DLGAP1: variants seen among roughly 807,000 people sequenced by gnomAD.
The protein encoded by DLGAP1 is disks large-associated protein 1.
In DLGAP1, 11 loss-of-function variants were observed where a neutral mutation model predicts 90.8. The observed-to-expected ratio is 0.12, with a 90% CI of 0.08 to 0.20. The LOEUF is 0.20. Among genes scored for constraint, DLGAP1 ranks in the 10% least tolerant of loss-of-function variants. DLGAP1 has a pLI of 1.00. For missense variants in DLGAP1, 1,050 were observed against 1,333.8 expected (o/e 0.79, Z 3.31); for synonymous variants, 558 against 540.7 (o/e 1.03, Z -0.44).
chr18:3,665,120 T>C (rs2059831050), intron 7 of DLGAP1, among the ~76,000 whole-genome samples: 1 of 152,148 alleles, frequency 6.6e-6, no homozygotes, highest in African/African-American at 2.4e-5. Context: ...AAAAAAGTAA[T>C]TAGTGCCTGT....
At chr18:3,673,406 T>G (rs2060168651) in intron 7 of DLGAP1, among the ~76,000 whole-genome samples, 1 of 152,224 alleles carries the variant, frequency 6.6e-6, no homozygotes, top group South Asian at 2.1e-4. Context: ...CCATTGGTTA[T>G]CGTGTACTGT....
chr18:3,795,822 A>G (rs1182049031), intron 5 of DLGAP1, among the ~76,000 whole-genome samples: 1 of 152,094 alleles, frequency 6.6e-6, no homozygotes, highest in East Asian at 1.9e-4. Context: ...AATACAAATT[A>G]TCCAAATAAA....
chr18:4,208,577 A>T (rs1269445295), intron 1 of DLGAP1, among the ~76,000 whole-genome samples: 1 of 152,220 alleles, frequency 6.6e-6, no homozygotes, highest in African/African-American at 2.4e-5. Flanking sequence ...GAGTGGGAAG[A>T]TGCTGACTGT....
At chr18:3,669,836 T>C (rs73940079) in intron 7 of DLGAP1, among the ~76,000 whole-genome samples, 1,541 of 152,286 alleles carry the variant, frequency 0.01, 26 homozygotes, top group African/African-American at 0.034. Context: ...AGGAAGCGGA[T>C]CTAAGTGAAC....
intron 2 of DLGAP1, among the ~76,000 whole-genome samples, chr18:4,086,930 T>C (rs900768452): frequency 1.3e-5 from 2 of 151,420 alleles, no homozygotes; most frequent in Admixed American, 1.3e-4. Context: ...TTTTGCTTTA[T>C]GTGTTTTGAA....
At chr18:3,884,700 T>G (rs921129998) in intron 3 of DLGAP1, among the ~76,000 whole-genome samples, 2 of 152,218 alleles carry the variant, frequency 1.3e-5, no homozygotes, top group African/African-American at 4.8e-5. Context: ...GTGTGTTTTT[T>G]ACTAAAATTT....
intron 7 of DLGAP1, among the ~76,000 whole-genome samples, chr18:3,584,896 G>A (rs778658524): frequency 3.9e-5 from 6 of 152,130 alleles, no homozygotes; most frequent in Admixed American, 1.3e-4. Flanking sequence ...GGACTAACAG[G>A]TGTGCACCAC....
chr18:3,633,865 A>G (rs898641718), intron 7 of DLGAP1, among the ~76,000 whole-genome samples: 3 of 152,216 alleles, frequency 2.0e-5, no homozygotes, highest in Admixed American at 6.5e-5. Flanking sequence ...TTGAATTTCC[A>G]TAAGTAAAGG....
intron 2 of DLGAP1, among the ~76,000 whole-genome samples, chr18:4,044,752 CA>C (rs2075023848): frequency 6.6e-6 from 1 of 151,904 alleles, no homozygotes; most frequent in South Asian, 2.1e-4. Flanking sequence ...AAAAACAAAA[CA>C]AAAAACAAAC....
chr18:3,892,617 T>C (rs1363164117), intron 3 of DLGAP1, among the ~76,000 whole-genome samples: 1 of 152,028 alleles, frequency 6.6e-6, no homozygotes, highest in Non-Finnish European at 1.5e-5. Context: ...ACGTGAACAA[T>C]CAGCAAACAA....
intron 1 of DLGAP1, among the ~76,000 whole-genome samples, chr18:4,273,808 A>G (rs918581432): frequency 6.6e-6 from 1 of 152,238 alleles, no homozygotes; most frequent in African/African-American, 2.4e-5. Flanking sequence ...AATTGTTCAT[A>G]GTATTTTCTT....
chr18:3,566,389 C>A (rs977328309), intron 9 of DLGAP1, among the ~76,000 whole-genome samples: 1 of 150,498 alleles, frequency 6.6e-6, no homozygotes, highest in Non-Finnish European at 1.5e-5. Context: ...CACACACACA[C>A]TATATATATA....
At chr18:4,142,664 A>C (rs1228760956) in intron 2 of DLGAP1, among the ~76,000 whole-genome samples, 1 of 152,256 alleles carries the variant, frequency 6.6e-6, no homozygotes, top group Non-Finnish European at 1.5e-5. Flanking sequence ...TAACTTGAGA[A>C]GATTTATAGA....
chr18:4,272,153 G>A (rs1036076526), intron 1 of DLGAP1, among the ~76,000 whole-genome samples: 16 of 152,122 alleles, frequency 1.1e-4, no homozygotes, highest in Non-Finnish European at 1.9e-4. Flanking sequence ...GGTGTATTGC[G>A]TAAGAAATAT....
intron 2 of DLGAP1, among the ~76,000 whole-genome samples, chr18:4,039,948 G>A (rs1248204589): frequency 6.6e-6 from 1 of 152,158 alleles, no homozygotes; most frequent in African/African-American, 2.4e-5. Flanking sequence ...TTTCCATGTT[G>A]AGGACACAAT....
chr18:4,269,514 C>T lies in DLGAP1; in HGVS notation c.-266-118227G>A, dbSNP rs1185012417. On this transcript the variant is annotated intron_variant, in intron 1 of 12. Transcript: ENST00000315677. ...GACTACAGGAGCCCACCACCATGCG[C>T]GGCTAATTTTTGTGTATTTTTAGTA... is the stretch of plus-strand genomic sequence containing the variant. 7.3e-5 allele frequency among the ~76,000 whole-genome samples: 11 copies of T among 151,526 alleles called. No homozygotes were observed. The East Asian group carries it at 7.8e-4, about 11-fold the overall frequency.
intron 1 of DLGAP1, among the ~76,000 whole-genome samples, chr18:4,316,867 G>A (rs1261058590): frequency 1.3e-5 from 2 of 152,062 alleles, no homozygotes; most frequent in Admixed American, 1.3e-4. Flanking sequence ...TCCCTGCTGA[G>A]CTCTCCAGCT....
At chr18:3,661,571 C>CTTTTTTTTTTTT (rs10549959) in intron 7 of DLGAP1, among the ~76,000 whole-genome samples, 30 of 125,290 alleles carry the variant, frequency 2.4e-4, no homozygotes, top group African/African-American at 8.6e-4. Context: ...GCTGTAAGGT[C>CTTTTTTTTTTTT]TTTTTTTTTT....
chr18:4,256,555 G>A (rs185757076), intron 1 of DLGAP1, among the ~76,000 whole-genome samples: 2 of 152,172 alleles, frequency 1.3e-5, no homozygotes, highest in African/African-American at 4.8e-5. Context: ...GTGGGTATGT[G>A]TGCATGTGTA....
Sources: allele counts gnomAD v4.1 joint callset (sites outside exome capture counted in the v4.1 genomes callset), GRCh38; gene constraint gnomAD v4.1.1; transcripts MANE v1.5; gene names NCBI Gene and HGNC (gene_info 2026-07-23, HGNC 2026-07-21).